Variants in WWOX observed in about 807,000 individuals in gnomAD.
WWOX encodes WW domain-containing oxidoreductase.
A neutral mutation model predicts 46.2 loss-of-function variants in WWOX; 69 were observed. The observed-to-expected ratio is 1.49, with a 90% CI of 1.23 to 1.82. The LOEUF (loss-of-function observed/expected upper bound fraction) is 1.82, where lower values mean the gene tolerates loss of function less well. WWOX is among the 40% of genes most tolerant of loss of function. The probability of loss-of-function intolerance (pLI) is 0.00; values close to 1 mark genes in which losing one functional copy is unlikely to be tolerated. For synonymous variants in WWOX, 359 were observed against 202.6 expected (o/e 1.77, Z -6.56); for missense variants, 919 against 542.6 (o/e 1.69, Z -6.89).
intron 8 of WWOX, among the ~76,000 whole-genome samples, chr16:79,172,273 A>G (rs781652756): frequency 1.3e-5 from 2 of 152,186 alleles, no homozygotes; most frequent in Admixed American, 1.3e-4. Context: ...ACAGCTTTGC[A>G]TGGCACTTGG....
At chr16:78,401,450 C>G (rs908229067) in intron 6 of WWOX, among the ~76,000 whole-genome samples, 3 of 152,054 alleles carry the variant, frequency 2.0e-5, no homozygotes, top group African/African-American at 7.3e-5. Flanking sequence ...TGTAGCCCAT[C>G]AATTGTCTAA....
In WWOX at chr16:78,495,361, G is replaced by A. The variant is rs961272449; in HGVS notation, c.1056+62609G>A. On this transcript the variant is annotated intron_variant, in intron 8 of 8. Transcript: ENST00000566780. ...TCACCATGTTAGCCAGGCTGGTCTCGAACTCTTGACCTCAGGTGATCTGCC... is the reference window on the plus strand; with the variant it reads ...TCACCATGTTAGCCAGGCTGGTCTCAAACTCTTGACCTCAGGTGATCTGCC... Among the ~76,000 whole-genome samples, 33 of 151,822 alleles carry A rather than the reference G, an allele frequency of 2.2e-4. 1 individual carries two copies. The highest frequency in any genetic ancestry group is 7.5e-4 in the African/African-American group (31 of 41,346).
intron 8 of WWOX, among the ~76,000 whole-genome samples, chr16:78,871,350 G>C (rs1022216843): frequency 7.9e-5 from 12 of 152,262 alleles, no homozygotes; most frequent in Middle Eastern, 6.8e-3. Flanking sequence ...GGGTGAACTT[G>C]AGCCTCGATG....
At chr16:78,177,794 C>T (rs911410517) in intron 5 of WWOX, among the ~76,000 whole-genome samples, 16 of 152,110 alleles carry the variant, frequency 1.1e-4, no homozygotes, top group Non-Finnish European at 2.1e-4. Context: ...GAGGGGAGTG[C>T]GGGGTCTGGA....
intron 8 of WWOX, among the ~76,000 whole-genome samples, chr16:78,883,447 G>C (rs1252378963): frequency 2.6e-5 from 4 of 152,182 alleles, no homozygotes; most frequent in African/African-American, 9.7e-5. Flanking sequence ...CCATGGGCTG[G>C]GCATGGTGGC....
At chr16:78,445,004 A>C (rs574477789) in intron 8 of WWOX, among the ~76,000 whole-genome samples, 6 of 151,394 alleles carry the variant, frequency 4.0e-5, no homozygotes, top group Non-Finnish European at 7.4e-5. Context: ...TGTGTTTCGG[A>C]TCCCAGGTTC....
intron 8 of WWOX, among the ~76,000 whole-genome samples, chr16:78,679,908 C>T (rs879768221): frequency 4.6e-5 from 7 of 152,132 alleles, no homozygotes; most frequent in South Asian, 2.1e-4. Context: ...CCAGACACTC[C>T]GTAACCAATG....
At chr16:78,750,800 C>G (rs759751240) in intron 8 of WWOX, among the ~76,000 whole-genome samples, 1 of 152,084 alleles carries the variant, frequency 6.6e-6, no homozygotes, top group Non-Finnish European at 1.5e-5. Flanking sequence ...AAGCTGTATC[C>G]ACGTTGCTGC....
At chr16:78,640,610 C>A (rs2046684284) in intron 8 of WWOX, among the ~76,000 whole-genome samples, 1 of 152,102 alleles carries the variant, frequency 6.6e-6, no homozygotes, top group Admixed American at 6.5e-5. Context: ...ACCTACACAT[C>A]CTGCACATTG....
At chr16:78,814,654 C>A (rs2051284308) in intron 8 of WWOX, among the ~76,000 whole-genome samples, 2 of 152,180 alleles carry the variant, frequency 1.3e-5, no homozygotes, top group Admixed American at 6.5e-5. Flanking sequence ...GCACCTTAGA[C>A]CTGGGAGAAA....
chr16:78,145,324 C>T (rs1021623983), intron 4 of WWOX, among the ~76,000 whole-genome samples: 1 of 151,956 alleles, frequency 6.6e-6, no homozygotes, highest in East Asian at 1.9e-4. Context: ...CCTCAAACCT[C>T]AAAAATAGAG....
intron 1 of WWOX, among the ~76,000 whole-genome samples, chr16:78,106,479 C>T (rs185731065): frequency 1.4e-5 from 2 of 141,554 alleles, no homozygotes; most frequent in Non-Finnish European, 3.0e-5. Context: ...CTGGAGTGCA[C>T]GATCTCAGCT....
chr16:79,186,546 A>T (rs757059337), intron 8 of WWOX, among the ~76,000 whole-genome samples: 1 of 152,220 alleles, frequency 6.6e-6, no homozygotes, highest in Non-Finnish European at 1.5e-5. Context: ...GTCTGACTGC[A>T]TCTTAACTGT....
chr16:78,214,073 C>A (rs1427854826), intron 5 of WWOX, among the ~76,000 whole-genome samples: 3 of 152,160 alleles, frequency 2.0e-5, no homozygotes, highest in Admixed American at 1.3e-4. Flanking sequence ...ACTTACCTTG[C>A]CTCCCCTGCT....
At chr16:78,807,172 G>A (rs970895632) in intron 8 of WWOX, among the ~76,000 whole-genome samples, 1 of 152,190 alleles carries the variant, frequency 6.6e-6, no homozygotes, top group Non-Finnish European at 1.5e-5. Context: ...TAGGTTTCTT[G>A]TGTCCTAATC....
At chr16:78,107,205 G>A (rs1428643620) in intron 1 of WWOX, among the ~76,000 whole-genome samples, 4 of 152,120 alleles carry the variant, frequency 2.6e-5, no homozygotes, top group Admixed American at 6.6e-5. Context: ...CCTACCCTTC[G>A]AATACCTCTT....
intron 8 of WWOX, among the ~76,000 whole-genome samples, chr16:78,752,831 C>A (rs973442805): frequency 6.6e-6 from 1 of 152,212 alleles, no homozygotes; most frequent in Non-Finnish European, 1.5e-5. Context: ...AGCCGCCTTA[C>A]CTAGCTGGCC....
At chr16:78,481,426 A>C (rs2084482896) in intron 8 of WWOX, among the ~76,000 whole-genome samples, 1 of 152,110 alleles carries the variant, frequency 6.6e-6, no homozygotes, top group Non-Finnish European at 1.5e-5. Flanking sequence ...AGGTTTCATA[A>C]ATGGGGAAAA....
intron 8 of WWOX, among the ~76,000 whole-genome samples, chr16:78,779,528 C>T (rs1476088840): frequency 1.3e-5 from 2 of 152,192 alleles, no homozygotes; most frequent in South Asian, 4.1e-4. Flanking sequence ...GTTGCTCACT[C>T]TGTCCAAGGC....
Sources: allele counts gnomAD v4.1 joint callset (sites outside exome capture counted in the v4.1 genomes callset), GRCh38; gene constraint gnomAD v4.1.1; transcripts MANE v1.5; gene names NCBI Gene and HGNC (gene_info 2026-07-23, HGNC 2026-07-21).